TAFA2: variants seen among roughly 807,000 people sequenced by gnomAD.
TAFA2 encodes TAFA chemokine like family member 2.
Under a neutral mutation model 18.8 loss-of-function variants are expected in TAFA2, and 7 were observed. That is an observed-to-expected ratio of 0.37 (90% CI 0.21 to 0.70). TAFA2 has a LOEUF of 0.70. Ranked by LOEUF, TAFA2 falls within the 30% of genes least tolerant of loss-of-function variation. The probability of loss-of-function intolerance (pLI) is 0.53; values close to 1 mark genes in which losing one functional copy is unlikely to be tolerated. For missense variants in TAFA2, 122 were observed against 158.1 expected, an observed-to-expected ratio of 0.77 and a Z score of 1.23; for synonymous variants, 60 against 54.2, an observed-to-expected ratio of 1.11 and a Z score of -0.47.
chr12:61,971,859 A>T (rs1164098591), intron 1 of TAFA2, among the ~76,000 whole-genome samples: 1 of 151,884 alleles, frequency 6.6e-6, no homozygotes, highest in Non-Finnish European at 1.5e-5. Context: ...GTACCCTAGA[A>T]CTTAAAGTAT....
chr12:61,842,651 T>C (rs1211662225), intron 2 of TAFA2, among the ~76,000 whole-genome samples: 2 of 152,072 alleles, frequency 1.3e-5, no homozygotes, highest in African/African-American at 4.8e-5. Context: ...CAATGATACT[T>C]ACTCTTTTAA....
At chr12:62,057,528 T>C (rs1283172988) in intron 1 of TAFA2, among the ~76,000 whole-genome samples, 4 of 152,110 alleles carry the variant, frequency 2.6e-5, no homozygotes, top group Admixed American at 2.6e-4. Flanking sequence ...ATACTGTTGG[T>C]TTTTCTTATT....
chr12:62,146,004 G>A (rs1015862406), intron 1 of TAFA2, among the ~76,000 whole-genome samples: 1 of 152,212 alleles, frequency 6.6e-6, no homozygotes, highest in Non-Finnish European at 1.5e-5. Flanking sequence ...CATGCCAAAT[G>A]ATGGGAATGT....
At chr12:61,791,194 A>G (rs749391863) in intron 2 of TAFA2, among the ~76,000 whole-genome samples, 5 of 152,058 alleles carry the variant, frequency 3.3e-5, no homozygotes, top group Non-Finnish European at 7.4e-5. Flanking sequence ...TGGCATATAC[A>G]AAACTCAACT....
At chr12:61,849,430 C>A (rs1873549546) in intron 2 of TAFA2, among the ~76,000 whole-genome samples, 1 of 152,164 alleles carries the variant, frequency 6.6e-6, no homozygotes, top group African/African-American at 2.4e-5. Flanking sequence ...CATGAGTGAT[C>A]ATCTAAGCAC....
At chr12:61,825,659 G>T (rs1346587217) in intron 2 of TAFA2, among the ~76,000 whole-genome samples, 1 of 152,082 alleles carries the variant, frequency 6.6e-6, no homozygotes, top group Non-Finnish European at 1.5e-5. Flanking sequence ...ATTAAAGGGA[G>T]ATGGGTGTTT....
chr12:61,844,248 A>C (rs1873309435), intron 2 of TAFA2, among the ~76,000 whole-genome samples: 1 of 152,138 alleles, frequency 6.6e-6, no homozygotes, highest in Non-Finnish European at 1.5e-5. Flanking sequence ...TTAAGTGGCA[A>C]ACATCTCCAC....
chr12:61,861,496 C>G (rs547138995), intron 2 of TAFA2, among the ~76,000 whole-genome samples: 9 of 152,124 alleles, frequency 5.9e-5, no homozygotes, highest in Non-Finnish European at 8.8e-5. Flanking sequence ...TTCAAGTGAT[C>G]CTTTCATCTC....
At chr12:61,990,519 T>G (rs1039451594) in intron 1 of TAFA2, among the ~76,000 whole-genome samples, 4 of 151,954 alleles carry the variant, frequency 2.6e-5, no homozygotes, top group Non-Finnish European at 4.4e-5. Context: ...TTTTGCATTT[T>G]TAATAGAGAC....
chr12:61,973,677 G>T (rs2136668065), intron 1 of TAFA2, among the ~76,000 whole-genome samples: 1 of 151,772 alleles, frequency 6.6e-6, no homozygotes, highest in East Asian at 1.9e-4. Context: ...GGAAACTACT[G>T]TGTTAACATA....
intron 1 of TAFA2, among the ~76,000 whole-genome samples, chr12:62,054,400 A>G (rs1882133964): frequency 6.6e-6 from 1 of 152,218 alleles, no homozygotes. Flanking sequence ...TTAAAGTTCC[A>G]GGACACTCGA....
At chr12:62,088,883 TC>T (rs1868580392) in intron 1 of TAFA2, among the ~76,000 whole-genome samples, 4 of 61,018 alleles carry the variant, frequency 6.6e-5, no homozygotes, top group African/African-American at 9.4e-5. Flanking sequence ...TTTTTCTTTC[TC>T]TCTCTCTCTC....
rs1266704031 is a variant in TAFA2, at chr12:61,962,545, CTTTT to C, written c.-1-95123_-1-95120del. ...TTTAGATTACATCCTCATGGGAATT[CTTTT>C]TTTAAAACATATACACATTTTATTG... is the stretch of plus-strand genomic sequence containing the variant. On this transcript the variant is annotated intron_variant, in intron 1 of 4. Transcript: ENST00000416284. 5.3e-5 allele frequency among the ~76,000 whole-genome samples: 8 copies of C among 151,880 alleles called. No homozygotes were observed. In the East Asian group the frequency reaches 1.6e-3, roughly 30 times the overall value.
At chr12:61,712,067 T>C (rs1869437547) in intron 4 of TAFA2, among the ~76,000 whole-genome samples, 1 of 151,670 alleles carries the variant, frequency 6.6e-6, no homozygotes, top group South Asian at 2.1e-4. Flanking sequence ...GTGTAAAAGA[T>C]GGAGAGAGGA....
At chr12:61,950,032 G>A (rs2121449983) in intron 1 of TAFA2, among the ~76,000 whole-genome samples, 1 of 152,140 alleles carries the variant, frequency 6.6e-6, no homozygotes. Flanking sequence ...GTCTTATTCT[G>A]ACTGGCTTAT....
At chr12:61,720,780 C>T in intron 4 of TAFA2, 1 of 405,510 alleles carries the variant, frequency 2.5e-6, no homozygotes, top group Non-Finnish European at 4.9e-6. Context: ...AGAATCCGAC[C>T]AACACTAGGA....
chr12:61,773,115 GA>G (rs1179132312), intron 2 of TAFA2, among the ~76,000 whole-genome samples: 13 of 151,178 alleles, frequency 8.6e-5, no homozygotes, highest in Non-Finnish European at 1.9e-4. Flanking sequence ...GATAGCTGCA[GA>G]AAAAATAAAA....
At chr12:61,905,578 T>C (rs1174433922) in intron 1 of TAFA2, among the ~76,000 whole-genome samples, 1 of 152,204 alleles carries the variant, frequency 6.6e-6, no homozygotes, top group Non-Finnish European at 1.5e-5. Context: ...TAAATGTACA[T>C]AATTAGCATG....
chr12:61,863,529 A>G (rs7137381), intron 2 of TAFA2, among the ~76,000 whole-genome samples: 55,130 of 151,998 alleles, frequency 0.36, 10,310 homozygotes, highest in East Asian at 0.43. Flanking sequence ...ACAGACCATG[A>G]GCACCAACTG....
Sources: allele counts gnomAD v4.1 joint callset (sites outside exome capture counted in the v4.1 genomes callset), GRCh38; gene constraint gnomAD v4.1.1; transcripts MANE v1.5; gene names NCBI Gene and HGNC (gene_info 2026-07-23, HGNC 2026-07-21).